Variants in AP1B1 observed in about 807,000 individuals in gnomAD.
AP1B1 encodes the protein adaptor related protein complex 1 subunit beta 1.
In AP1B1, 36 loss-of-function variants were observed where a neutral mutation model predicts 104.3. That is an observed-to-expected ratio of 0.35 (90% CI 0.26 to 0.46). AP1B1 has a LOEUF of 0.46. Among genes scored for constraint, AP1B1 ranks in the 20% least tolerant of loss-of-function variants. The pLI is 1.00. For missense variants in AP1B1, 901 were observed against 1,247.9 expected (o/e 0.72, Z 4.19); for synonymous variants, 504 against 517.5 (o/e 0.97, Z 0.35).
chr22:29,357,586 G>C (rs894072927), intron 5 of AP1B1, among the ~76,000 whole-genome samples: 1 of 150,512 alleles, frequency 6.6e-6, no homozygotes, highest in Non-Finnish European at 1.5e-5. Context: ...GGCTGGTCTT[G>C]AATTCCTGAC....
At chr22:29,339,910 G>T in intron 14 of AP1B1, 136 bp from the exon 15 acceptor site, 1 of 974,156 alleles carries the variant, frequency 1.0e-6, no homozygotes. Context: ...CGAGAGGAGT[G>T]TGGTGTGAGG....
chr22:29,331,890 A>G lies in AP1B1; in HGVS notation c.2336T>C (p.Leu779Pro). 1 of 1,610,196 alleles carries G rather than the reference A, an allele frequency of 6.2e-7. No individual in the cohort carries two copies. Among genetic ancestry groups the G allele is most frequent in the Non-Finnish European group, 8.5e-7 (1 of 1,177,712 alleles). The change falls in exon 18 of 23, where the codon CTC becomes CCC. Residue 779 changes from leucine (L) to proline (P), a missense_variant. Physicochemically the swap from Leu to Pro is moderately conservative, Grantham distance 98 (BLOSUM62 -3). Coordinates refer to ENST00000357586, the MANE Select transcript of AP1B1 (RefSeq NM_001127.4). ...GGGGCTGAGTGGCGCGTGGACCTGG[A>G]GGGGGGCGGCGGGGGCCAGGCCAAA... Reference protein sequence around the residue: ...NSFGLAPAAPLQVHAPLSPNQ... With the variant: ...NSFGLAPAAPPQVHAPLSPNQ...
In AP1B1 at chr22:29,349,324, G is replaced by A; in HGVS notation, c.1331C>T (p.Ala444Val). Residue 444 changes from alanine to valine, a missense_variant, in exon 11 of 23, where the codon GCC (alanine) becomes GTC (valine). Physicochemically the swap from Ala to Val is moderately conservative, Grantham distance 64 (BLOSUM62 0). Transcript: ENST00000357586. The stretch of plus-strand genomic sequence containing the variant: ...CACAATCCAGATCATGGCAGCCCGG[G>A]CCTCAGGCTCATCCAGGGAGTCCAG... ...ENLDSLDEPEARAAMIWIVGE... is the reference protein window; with the variant it reads ...ENLDSLDEPEVRAAMIWIVGE... 2 of 1,614,106 alleles carry A rather than the reference G, an allele frequency of 1.2e-6. No homozygotes were observed. The highest frequency in any genetic ancestry group is 8.5e-7 in the Non-Finnish European group (1 of 1,180,038).
At chr22:29,341,821 C>G (rs1024776173) in intron 12 of AP1B1, 61 bp from the exon 13 acceptor site, 2 of 1,541,802 alleles carry the variant, frequency 1.3e-6, no homozygotes, top group Non-Finnish European at 1.8e-6. Context: ...GGGAGGAGAC[C>G]TTCCTGCAGC....
At chr22:29,331,179 C>A (rs1364347870) in intron 19 of AP1B1, among the ~76,000 whole-genome samples, 4 of 152,112 alleles carry the variant, frequency 2.6e-5, no homozygotes, top group Non-Finnish European at 4.4e-5. Flanking sequence ...CGCTGCAGCC[C>A]ATGGGACAAG....
At chr22:29,358,557 T>C (rs1430624976) in intron 5 of AP1B1, among the ~76,000 whole-genome samples, 169 bp downstream of exon 5, 1 of 151,982 alleles carries the variant, frequency 6.6e-6, no homozygotes, top group Non-Finnish European at 1.5e-5. Context: ...TAGGTCTAGC[T>C]CCCTCCAGAG....
chr22:29,350,118 G>A lies in AP1B1; in HGVS notation c.1188C>T (p.Leu396=), dbSNP rs563237163. 19 of 1,614,152 alleles carry A rather than the reference G, an allele frequency of 1.2e-5. No homozygotes were observed. Among genetic ancestry groups the A allele is most frequent in the Middle Eastern group, 1.6e-4 (1 of 6,062 alleles). The change falls in exon 10 of 23, where the codon CTC becomes CTT. Residue 396 remains leucine (L), a synonymous_variant. Transcript: ENST00000357586. ...AGTTGACCTTGGTCTGGATGAGGTC[G>A]AGCAGCGTGCTCACACAGCGCTCCG... The part of the protein sequence containing the change: ...QSAERCVSTL[L]DLIQTKVNYV...
intron 1 of AP1B1, among the ~76,000 whole-genome samples, chr22:29,369,653 G>A (rs1472400328): frequency 3.9e-5 from 6 of 152,106 alleles, no homozygotes; most frequent in South Asian, 2.1e-4. Flanking sequence ...CACAGCTCCC[G>A]TTCGCCCTCC....
chr22:29,330,147 A>G, intron 21 of AP1B1: 3 of 1,427,774 alleles, frequency 2.1e-6, no homozygotes, highest in Non-Finnish European at 2.7e-6. Context: ...CCAATTTTAC[A>G]CAATCTTCTA....
chr22:29,334,199 A>C (rs935630877), intron 17 of AP1B1, 66 bp downstream of exon 17: 1 of 1,478,652 alleles, frequency 6.8e-7, no homozygotes, highest in Admixed American at 2.3e-5. Context: ...TCCCCAGAAC[A>C]GACTCCGAGT....
chr22:29,342,715 G>A (rs962184345), intron 11 of AP1B1, among the ~76,000 whole-genome samples: 1 of 152,234 alleles, frequency 6.6e-6, no homozygotes, highest in African/African-American at 2.4e-5. Context: ...GCTCACATGT[G>A]TGGCTGGAGT....
chr22:29,385,844 G>GC (rs1348454786), intron 1 of AP1B1, among the ~76,000 whole-genome samples: 1 of 152,192 alleles, frequency 6.6e-6, no homozygotes, highest in Non-Finnish European at 1.5e-5. Flanking sequence ...AGGCTTTGGT[G>GC]CCAGACACGG....
At chr22:29,375,923 C>T (rs6006112) in intron 1 of AP1B1, among the ~76,000 whole-genome samples, 53,713 of 152,020 alleles carry the variant, frequency 0.35, 10,397 homozygotes, top group East Asian at 0.66. Flanking sequence ...TCAGACATCC[C>T]GTGGTTCTAT....
Position 29,340,829 on chromosome 22 carries a change from C to A in AP1B1, c.1825G>T (p.Ala609Ser). Reference protein sequence around the residue: ...SSESAESPETAPTGAPPGEQP... With the variant: ...SSESAESPETSPTGAPPGEQP... ...TCCCCAGGAGGTGCTCCAGTAGGGG[C>A]TGTCTCAGGGCTCTCTGCGCTCTCA... Residue 609 changes from alanine (A) to serine (S), a missense_variant, in exon 14 of 23, where the codon GCC (alanine) becomes TCC (serine). By Grantham distance (99) the Ala-to-Ser change is moderately conservative. Transcript: ENST00000357586. The A allele has an allele frequency of 6.3e-7, 1 of 1,598,442 alleles. No homozygotes were observed. Among genetic ancestry groups the A allele is most frequent in the Non-Finnish European group, 8.5e-7 (1 of 1,174,166 alleles).
At position 29,350,175 on chromosome 22, in the gene AP1B1, G is replaced by A. The variant is rs367602720; in HGVS notation, c.1156-25C>T. 2.1e-5 allele frequency: 33 copies of A among 1,597,534 alleles called. No individual in the cohort carries two copies. In the African/African-American group the frequency reaches 3.1e-4, roughly 15 times the overall value. Reference sequence around the variant, plus strand: ...GCTGCATGGGAAGAGAAGAGTGTGGGCGAGGTCCCCGCACCCCATTTCCAG... The same window carrying A: ...GCTGCATGGGAAGAGAAGAGTGTGGACGAGGTCCCCGCACCCCATTTCCAG... On this transcript the variant is annotated intron_variant, in intron 9 of 22. Coordinates refer to ENST00000357586, the MANE Select transcript of AP1B1 (RefSeq NM_001127.4).
chr22:29,332,432 A>C (rs996278962), intron 17 of AP1B1: 4 of 152,682 alleles, frequency 2.6e-5, no homozygotes, highest in African/African-American at 9.6e-5. Flanking sequence ...AGATTCAGGA[A>C]AGCTCTGCTT....
chr22:29,377,519 T>C (rs914128727), intron 1 of AP1B1, among the ~76,000 whole-genome samples: 12 of 152,118 alleles, frequency 7.9e-5, no homozygotes, highest in Admixed American at 3.3e-4. Flanking sequence ...GCTTTAAAGT[T>C]AGTCCTCGTG....
intron 5 of AP1B1, among the ~76,000 whole-genome samples, chr22:29,357,443 G>A (rs1197447101): frequency 2.0e-5 from 3 of 152,106 alleles, no homozygotes; most frequent in African/African-American, 7.2e-5. Flanking sequence ...TTGGCTTACT[G>A]CAACCTCTGC....
intron 16 of AP1B1, among the ~76,000 whole-genome samples, chr22:29,338,239 A>C (rs1288888636): frequency 1.3e-5 from 2 of 152,238 alleles, no homozygotes; most frequent in Non-Finnish European, 2.9e-5. Context: ...TTCCAGGAAC[A>C]CAATTCTCAG....
Sources: allele counts gnomAD v4.1 joint callset (sites outside exome capture counted in the v4.1 genomes callset), GRCh38; gene constraint gnomAD v4.1.1; transcripts MANE v1.5; gene names NCBI Gene and HGNC (gene_info 2026-07-23, HGNC 2026-07-21).